The following MAPKAPK2 variants were observed in gnomAD, a reference collection of about 807,000 sequenced individuals.
MAPKAPK2 encodes the protein MAP kinase-activated protein kinase 2.
Under a neutral mutation model 48.8 loss-of-function variants are expected in MAPKAPK2, and 9 were observed. The ratio of observed to expected loss-of-function variants is 0.18; its 90% CI spans 0.11 to 0.32. MAPKAPK2 has a LOEUF of 0.32. Among genes scored for constraint, MAPKAPK2 ranks in the 10% least tolerant of loss-of-function variants. The pLI, the probability that MAPKAPK2 is intolerant of heterozygous loss-of-function variation, is 1.00. For missense variants in MAPKAPK2, 331 were observed against 498.3 expected, an observed-to-expected ratio of 0.66 and a Z score of 3.20; for synonymous variants, 202 against 190.6, an observed-to-expected ratio of 1.06 and a Z score of -0.49.
chr1:206,695,232 G>A (rs979190472), intron 1 of MAPKAPK2, among the ~76,000 whole-genome samples: 2 of 152,162 alleles, frequency 1.3e-5, no homozygotes, highest in African/African-American at 4.8e-5. Flanking sequence ...AGAGTAGTAG[G>A]GGGTGGGATG....
In MAPKAPK2 at chr1:206,733,856, T is replaced by C. The variant is rs1674022268; in HGVS notation, c.*1138T>C. The stretch of plus-strand genomic sequence containing the variant: ...CTTGTGGGCAAAGGCAGGGCCACTT[T>C]TGAAGTCTTCCCTCAGATTTCCATT... On this transcript the variant is annotated 3_prime_UTR_variant, in exon 10 of 10. Transcript: ENST00000367103. 1 of 152,818 alleles carries C rather than the reference T, an allele frequency of 6.5e-6. No homozygotes were observed. The highest frequency in any genetic ancestry group is 2.1e-4 in the South Asian group (1 of 4,826). 9.5% of individuals were successfully genotyped at this position (152,818 alleles called of 1,614,324 possible).
intron 1 of MAPKAPK2, among the ~76,000 whole-genome samples, chr1:206,711,331 C>T (rs1673133167): frequency 6.6e-6 from 1 of 152,196 alleles, no homozygotes; most frequent in East Asian, 1.9e-4. Flanking sequence ...CCCACTGCAA[C>T]CTCCACCTCT....
intron 1 of MAPKAPK2, among the ~76,000 whole-genome samples, chr1:206,722,377 CA>C (rs528210438): frequency 6.7e-6 from 1 of 150,122 alleles, no homozygotes; most frequent in Non-Finnish European, 1.5e-5. Context: ...AAAACAAAAA[CA>C]AAAAAAAACA....
rs1463393037 is a variant in MAPKAPK2 at position 206,704,013 on chromosome 1, CTTTCAGGG to C, written c.279+18507_279+18514del. On this transcript the variant is annotated intron_variant, in intron 1 of 9. Transcript: ENST00000367103. This position sits in a 1 kb window ranked among gnomAD's most constrained non-coding sequence, Gnocchi z 4.3. ...CCTGCGGAAGTCAGTGGGAGACACC[CTTTCAGGG>C]TCTGCTTCATTATGAATGAAGCAAA... Among the ~76,000 whole-genome samples the C allele has an allele frequency of 3.3e-5, 5 of 152,192 alleles. No individual in the cohort carries two copies. The highest frequency in any genetic ancestry group is 7.3e-5 in the Non-Finnish European group (5 of 68,036).
chr1:206,718,091 TA>T (rs1319485911), intron 1 of MAPKAPK2, among the ~76,000 whole-genome samples: 17 of 152,310 alleles, frequency 1.1e-4, no homozygotes, highest in Non-Finnish European at 2.2e-4. Flanking sequence ...TTTGAAAATT[TA>T]AAAAATATGC....
At chr1:206,727,675 C>T (rs1439725790) in intron 1 of MAPKAPK2, among the ~76,000 whole-genome samples, 1 of 152,090 alleles carries the variant, frequency 6.6e-6, no homozygotes, top group Non-Finnish European at 1.5e-5. Flanking sequence ...GGCTGGAGTG[C>T]AGTGGCGTGA....
chr1:206,731,525 A>AGCCT lies in MAPKAPK2; in HGVS notation c.893-110_893-107dup. On this transcript the variant is annotated intron_variant, in intron 7 of 9. Transcript: ENST00000367103. The surrounding 1 kb of genome is among the most constrained non-coding windows in gnomAD (Gnocchi z 5.9). ...GGTCCTTGGGGCCAGTTGCTCCGGC[A>AGCCT]GCCTGCCTCCATGCACCCCCTCTTT... The AGCCT allele has an allele frequency of 9.0e-7, 1 of 1,115,726 alleles. No individual in the cohort carries two copies. Among genetic ancestry groups the AGCCT allele is most frequent in the Non-Finnish European group, 1.4e-6 (1 of 737,148 alleles). 69.1% of individuals were successfully genotyped at this position (1,115,726 alleles called of 1,614,324 possible).
chr1:206,726,160 G>A (rs1673695339), intron 1 of MAPKAPK2, among the ~76,000 whole-genome samples: 1 of 152,136 alleles, frequency 6.6e-6, no homozygotes, highest in African/African-American at 2.4e-5. Flanking sequence ...CCAAGGTGGG[G>A]TATCACTTGA....
intron 1 of MAPKAPK2, among the ~76,000 whole-genome samples, chr1:206,690,983 G>C (rs1170343848): frequency 6.6e-6 from 1 of 152,204 alleles, no homozygotes; most frequent in Non-Finnish European, 1.5e-5. Flanking sequence ...CCTGGAGGGA[G>C]GTGGATGGGC....
At chr1:206,715,093 G>A (rs1160417382) in intron 1 of MAPKAPK2, among the ~76,000 whole-genome samples, 1 of 152,214 alleles carries the variant, frequency 6.6e-6, no homozygotes, top group Non-Finnish European at 1.5e-5. Context: ...TTATGGTCTA[G>A]CTTAGAATTG....
At position 206,731,234 on chromosome 1, in the gene MAPKAPK2, C is replaced by T; in HGVS notation, c.864C>T (p.Asn288=). The T allele has an allele frequency of 6.2e-7, 1 of 1,614,188 alleles. No individual in the cohort carries two copies. Among genetic ancestry groups the T allele is most frequent in the African/African-American group, 1.3e-5 (1 of 75,032 alleles). Reference sequence around the variant, plus strand: ...GAATGGGCCAGTATGAATTTCCCAACCCAGAATGGTCAGAAGTATCAGAGG... The same window carrying T: ...GAATGGGCCAGTATGAATTTCCCAATCCAGAATGGTCAGAAGTATCAGAGG... ...RIRMGQYEFP[N]PEWSEVSEEV... is the part of the protein sequence containing the mutation. Residue 288 remains asparagine (N), a synonymous_variant, in exon 7 of 10, where the codon AAC becomes AAT. Coordinates refer to ENST00000367103, the MANE Select transcript of MAPKAPK2 (RefSeq NM_032960.4). This position sits in a 1 kb window ranked among gnomAD's most constrained non-coding sequence, Gnocchi z 5.9.
intron 1 of MAPKAPK2, among the ~76,000 whole-genome samples, chr1:206,719,986 T>G (rs1673463561): frequency 6.6e-6 from 1 of 152,240 alleles, no homozygotes; most frequent in Non-Finnish European, 1.5e-5. Flanking sequence ...ATTATACCCT[T>G]GGCATCCTCT....
intron 1 of MAPKAPK2, among the ~76,000 whole-genome samples, chr1:206,713,252 C>T (rs1673216753): frequency 1.3e-5 from 2 of 152,164 alleles, no homozygotes; most frequent in African/African-American, 4.8e-5. Context: ...GGGGCTGACT[C>T]TGCCTGGAAG....
intron 1 of MAPKAPK2, among the ~76,000 whole-genome samples, chr1:206,712,191 A>G (rs1362119535): frequency 1.3e-5 from 2 of 152,196 alleles, no homozygotes; most frequent in Non-Finnish European, 2.9e-5. Context: ...AGCTTTTAAC[A>G]ACGACAACAA....
At chr1:206,697,752 C>T (rs1389318555) in intron 1 of MAPKAPK2, among the ~76,000 whole-genome samples, 1 of 152,224 alleles carries the variant, frequency 6.6e-6, no homozygotes. Flanking sequence ...TACCCAGTTG[C>T]TGGGACTGAG....
chr1:206,722,763 A>T (rs540592933), intron 1 of MAPKAPK2, among the ~76,000 whole-genome samples: 1 of 152,176 alleles, frequency 6.6e-6, no homozygotes, highest in South Asian at 2.1e-4. Context: ...CTGCTCCAGC[A>T]CCTTGCTAAG....
chr1:206,714,291 G>A (rs533385389), intron 1 of MAPKAPK2, among the ~76,000 whole-genome samples: 2 of 152,298 alleles, frequency 1.3e-5, no homozygotes, highest in Admixed American at 6.5e-5. Context: ...CCTTGCGTCT[G>A]GCATTCCTTT....
rs1327690107 is a variant in MAPKAPK2, at chr1:206,728,866, C to G, written c.419+17C>G. On this transcript the variant is annotated intron_variant, in intron 2 of 9. Coordinates refer to ENST00000367103, the MANE Select transcript of MAPKAPK2 (RefSeq NM_032960.4). Reference sequence around the variant, plus strand: ...CATGGAATGGTAAGCAGCCACTGTTCTAGTCCCGGCCCAGCCTGTTCCCAC... The same window carrying G: ...CATGGAATGGTAAGCAGCCACTGTTGTAGTCCCGGCCCAGCCTGTTCCCAC... The G allele has an allele frequency of 6.2e-7, 1 of 1,613,378 alleles. No homozygotes were observed. Among genetic ancestry groups the G allele is most frequent in the East Asian group, 2.2e-5 (1 of 44,890 alleles).
Position 206,732,348 on chromosome 1 carries a change from CAG to C in MAPKAPK2, c.1060-226_1060-225del. 7.6e-6 allele frequency: 11 copies of C among 1,443,908 alleles called. No individual in the cohort carries two copies. The highest frequency in any genetic ancestry group is 1.0e-5 in the Non-Finnish European group (11 of 1,101,992). The allele number at this position is 1,443,908 out of a possible 1,614,324, so 89.4% of individuals were successfully genotyped here. On this transcript the variant is annotated intron_variant, in intron 9 of 9. Transcript: ENST00000367103. The surrounding 1 kb of genome is among the most constrained non-coding windows in gnomAD (Gnocchi z 4.4). Reference sequence around the variant, plus strand: ...TCCTGCGGGATCACTGGGGGGCTCTCAGGGAACAGCAGCAGTGCCATAGCCAG... The same window carrying C: ...TCCTGCGGGATCACTGGGGGGCTCTCGGAACAGCAGCAGTGCCATAGCCAG...
Sources: gnomAD v4.1 joint callset for allele counts (sites outside exome capture counted in the v4.1 genomes callset) on GRCh38, gnomAD v4.1.1 for gene constraint, Gnocchi (gnomAD v3.1) non-coding constraint, MANE v1.5 for transcripts, NCBI Gene and HGNC (gene_info 2026-07-23, HGNC 2026-07-21) for gene names.